EYS: variants seen among roughly 807,000 people sequenced by gnomAD.
The protein encoded by EYS is EGF-like photoreceptor maintenance factor.
In EYS, 250 loss-of-function variants were observed where a neutral mutation model predicts 282.1. That is an observed-to-expected ratio of 0.89 (90% confidence interval 0.80 to 0.98). The LOEUF (loss-of-function observed/expected upper bound fraction) is 0.98, where lower values mean the gene tolerates loss of function less well. EYS is among the 50% of genes least tolerant of loss of function. The pLI, the probability that EYS is intolerant of heterozygous loss-of-function variation, is 0.00. For synonymous variants in EYS, 1,355 were observed against 1,282.9 expected, an observed-to-expected ratio of 1.06 and a Z score of -1.20; for missense variants, 4,016 against 3,709.0, an observed-to-expected ratio of 1.08 and a Z score of -2.15.
intron 2 of EYS, among the ~76,000 whole-genome samples, chr6:65,561,678 T>G (rs1269383145): frequency 6.6e-6 from 1 of 152,104 alleles, no homozygotes; most frequent in African/African-American, 2.4e-5. Flanking sequence ...TTTAAACTAA[T>G]AAATATTAGA....
At chr6:64,707,776 G>C (rs1460238676) in intron 22 of EYS, among the ~76,000 whole-genome samples, 1 of 151,326 alleles carries the variant, frequency 6.6e-6, no homozygotes, top group Non-Finnish European at 1.5e-5. Context: ...AATCCCACTG[G>C]TTACACAAAA....
intron 29 of EYS, among the ~76,000 whole-genome samples, chr6:64,362,997 CTTTCT>C (rs1434934351): frequency 1.3e-5 from 1 of 75,120 alleles, no homozygotes; most frequent in African/African-American, 6.3e-5. Context: ...TTCATTTTCT[CTTTCT>C]TTTTTTTTTG....
chr6:64,104,038 G>A (rs1377062339), intron 31 of EYS, among the ~76,000 whole-genome samples: 1 of 152,130 alleles, frequency 6.6e-6, no homozygotes, highest in African/African-American at 2.4e-5. Flanking sequence ...TGAGCAGTGG[G>A]AGAGTAATGA....
intron 1 of EYS, among the ~76,000 whole-genome samples, chr6:65,671,229 C>T (rs1447672751): frequency 6.6e-6 from 1 of 151,996 alleles, no homozygotes; most frequent in East Asian, 1.9e-4. Flanking sequence ...ACTCTTGTTT[C>T]AATCATGAAA....
chr6:65,595,784 G>T (rs868117763), intron 2 of EYS, among the ~76,000 whole-genome samples: 24 of 152,106 alleles, frequency 1.6e-4, no homozygotes, highest in South Asian at 4.1e-4. Context: ...AGCTTCTAAG[G>T]TGACCGCCAA....
intron 2 of EYS, among the ~76,000 whole-genome samples, chr6:65,633,154 A>G (rs1206214709): frequency 1.3e-5 from 2 of 152,304 alleles, no homozygotes; most frequent in African/African-American, 4.8e-5. Flanking sequence ...ACTATCCATC[A>G]TAAGATTTAT....
chr6:64,512,712 A>C (rs114712912), intron 26 of EYS, among the ~76,000 whole-genome samples: 16 of 152,128 alleles, frequency 1.1e-4, no homozygotes, highest in African/African-American at 3.6e-4. Context: ...AGAGAAGAAA[A>C]CAAAGCACAG....
At chr6:63,855,641 C>T (rs932907922) in intron 36 of EYS, among the ~76,000 whole-genome samples, 5 of 151,924 alleles carry the variant, frequency 3.3e-5, no homozygotes, top group African/African-American at 7.3e-5. Flanking sequence ...TGATGATGGC[C>T]GAGGCAGATA....
intron 19 of EYS, among the ~76,000 whole-genome samples, chr6:64,838,617 T>TACACACACACACACAC (rs56901295): frequency 2.2e-4 from 33 of 149,710 alleles, no homozygotes; most frequent in African/African-American, 6.1e-4. Context: ...TCTGTTTCTC[T>TACACACACACACACAC]ACACACACAC....
intron 33 of EYS, among the ~76,000 whole-genome samples, chr6:64,061,403 C>T (rs1399977633): frequency 6.6e-6 from 1 of 152,174 alleles, no homozygotes; most frequent in Non-Finnish European, 1.5e-5. Context: ...TTTCAAAATT[C>T]GCTGAAATGA....
intron 1 of EYS, among the ~76,000 whole-genome samples, chr6:65,673,266 T>G (rs1768462128): frequency 6.6e-6 from 1 of 152,052 alleles, no homozygotes; most frequent in Non-Finnish European, 1.5e-5. Flanking sequence ...TCAGGGCTGC[T>G]GTCAGTGGGA....
chr6:64,677,066 T>G (rs2149901203), intron 22 of EYS, among the ~76,000 whole-genome samples: 1 of 152,310 alleles, frequency 6.6e-6, no homozygotes, highest in Non-Finnish European at 1.5e-5. Flanking sequence ...CCTTAAATAC[T>G]CTAACATCCA....
chr6:63,872,994 C>A (rs72872811), intron 35 of EYS, among the ~76,000 whole-genome samples: 2,148 of 142,878 alleles, frequency 0.015, 24 homozygotes, highest in Middle Eastern at 0.03. Context: ...AGAAAAATAT[C>A]TTTTTTTGTT....
intron 19 of EYS, among the ~76,000 whole-genome samples, chr6:64,830,741 A>G (rs762208201): frequency 6.6e-6 from 1 of 152,016 alleles, no homozygotes; most frequent in African/African-American, 2.4e-5. Context: ...GATTAGGTGT[A>G]CTTATTTTAG....
intron 11 of EYS, among the ~76,000 whole-genome samples, chr6:65,322,417 A>C (rs956030328): frequency 6.6e-6 from 1 of 152,148 alleles, no homozygotes; most frequent in African/African-American, 2.4e-5. Context: ...GCTGCTTTGC[A>C]CCTGATCTCA....
intron 22 of EYS, among the ~76,000 whole-genome samples, chr6:64,648,937 G>A (rs1463860234): frequency 1.3e-5 from 2 of 152,150 alleles, no homozygotes; most frequent in Non-Finnish European, 2.9e-5. Context: ...GAAGTATTTA[G>A]GGGTAAGGCT....
At chr6:63,877,674 T>A (rs887661052) in intron 35 of EYS, among the ~76,000 whole-genome samples, 12 of 152,186 alleles carry the variant, frequency 7.9e-5, no homozygotes, top group Admixed American at 3.9e-4. Context: ...CATTTCTTTT[T>A]ACTCTTTTTT....
chr6:65,405,345 T>G lies in EYS; in HGVS notation c.885A>C (p.Ala295=), dbSNP rs1766687516. 1 of 1,612,216 alleles carries G rather than the reference T, an allele frequency of 6.2e-7. No homozygotes were observed. Among genetic ancestry groups the G allele is most frequent in the Non-Finnish European group, 8.5e-7 (1 of 1,179,274 alleles). The change falls in exon 6 of 43, where the codon GCA becomes GCC. Residue 295 remains alanine, a synonymous_variant. Coordinates refer to ENST00000503581, the MANE Select transcript of EYS (RefSeq NM_001142800.2). ...QFSGPFCEVS[A]KPCVSLLFWK... ...AAAAAAGCAGAGAAACACAAGGTTT[T>G]GCTGACACCTCACAGAATGGACCTT...
intron 26 of EYS, among the ~76,000 whole-genome samples, chr6:64,462,658 T>C (rs937100072): frequency 1.3e-5 from 2 of 152,066 alleles, no homozygotes; most frequent in Non-Finnish European, 2.9e-5. Context: ...AATTCTCAGA[T>C]CTCCCAAGTC....
Sources: allele counts gnomAD v4.1 joint callset (sites outside exome capture counted in the v4.1 genomes callset), GRCh38; gene constraint gnomAD v4.1.1; transcripts MANE v1.5; gene names NCBI Gene and HGNC (gene_info 2026-07-23, HGNC 2026-07-21).